Variants in ATF7 observed in about 807,000 individuals in gnomAD.
ATF7 encodes the protein cyclic AMP-dependent transcription factor ATF-7.
In ATF7, 10 loss-of-function variants were observed where a neutral mutation model predicts 50.4. That is an observed-to-expected ratio of 0.20 (90% CI 0.12 to 0.34). ATF7 has a LOEUF of 0.34. Ranked by LOEUF, ATF7 falls within the 10% of genes least tolerant of loss-of-function variation. The probability of loss-of-function intolerance (pLI) is 1.00; values close to 1 mark genes in which losing one functional copy is unlikely to be tolerated. For missense variants in ATF7, 465 were observed against 613.9 expected (o/e 0.76, Z 2.56); for synonymous variants, 201 against 226.4 (o/e 0.89, Z 1.01).
intron 2 of ATF7, among the ~76,000 whole-genome samples, chr12:53,584,881 G>A (rs963206196): frequency 1.3e-5 from 2 of 152,168 alleles, no homozygotes; most frequent in Non-Finnish European, 2.9e-5. Context: ...GCTTGCCAGC[G>A]GTCAGTGGGA....
chr12:53,543,296 C>T, intron 4 of ATF7, 34 bp downstream of exon 4: 1 of 1,557,338 alleles, frequency 6.4e-7, no homozygotes. Context: ...GGTCTGAATA[C>T]CACCAGTTTT....
At chr12:53,529,734 C>CACACACACACAT (rs1298379846) in intron 9 of ATF7, among the ~76,000 whole-genome samples, 2 of 143,530 alleles carry the variant, frequency 1.4e-5, no homozygotes, top group Admixed American at 1.4e-4. Context: ...CACACACACA[C>CACACACACACAT]ATATATATAT....
intron 3 of ATF7, 151 bp downstream of exon 3, chr12:53,552,390 C>A: frequency 1.7e-6 from 1 of 592,840 alleles, no homozygotes; most frequent in South Asian, 2.4e-5. Context: ...AACTTGGGAG[C>A]TTTTAGTGTT....
chr12:53,571,538 G>A (rs1012303554), intron 2 of ATF7, among the ~76,000 whole-genome samples: 6 of 151,514 alleles, frequency 4.0e-5, no homozygotes, highest in Non-Finnish European at 7.4e-5. Context: ...ACAGTGGTGT[G>A]CACCTGTAGT....
intron 1 of ATF7, among the ~76,000 whole-genome samples, chr12:53,618,020 G>C (rs886213817): frequency 6.6e-6 from 1 of 152,134 alleles, no homozygotes; most frequent in Non-Finnish European, 1.5e-5. Flanking sequence ...ATGTCGAAGA[G>C]AAAATGTCAT....
At chr12:53,574,417 C>T (rs1179448377) in intron 2 of ATF7, among the ~76,000 whole-genome samples, 1 of 152,176 alleles carries the variant, frequency 6.6e-6, no homozygotes, top group Non-Finnish European at 1.5e-5. Flanking sequence ...TTTCCACAGG[C>T]TTTCTTTCTC....
intron 1 of ATF7, among the ~76,000 whole-genome samples, chr12:53,612,585 A>G (rs2137892726): frequency 6.6e-6 from 1 of 152,216 alleles, no homozygotes; most frequent in South Asian, 2.1e-4. Context: ...GCATTTTTCA[A>G]GGTTGGTGCT....
intron 2 of ATF7, among the ~76,000 whole-genome samples, chr12:53,599,018 T>C (rs1943276376): frequency 6.6e-6 from 1 of 152,100 alleles, no homozygotes; most frequent in Non-Finnish European, 1.5e-5. Flanking sequence ...ATGTAAAAAT[T>C]TGGAGAGATC....
At chr12:53,617,029 AT>A (rs1944160788) in intron 1 of ATF7, among the ~76,000 whole-genome samples, 1 of 151,242 alleles carries the variant, frequency 6.6e-6, no homozygotes, top group South Asian at 2.1e-4. Flanking sequence ...CTTATGTATT[AT>A]TTCTTTCTTT....
At chr12:53,614,837 T>C (rs920673220) in intron 1 of ATF7, among the ~76,000 whole-genome samples, 2 of 152,190 alleles carry the variant, frequency 1.3e-5, no homozygotes, top group African/African-American at 4.8e-5. Flanking sequence ...TCCCAGCACT[T>C]TGGGAGGCCA....
At chr12:53,523,516 C>T in intron 10 of ATF7, 132 bp from the exon 11 acceptor site, 1 of 671,734 alleles carries the variant, frequency 1.5e-6, no homozygotes, top group Non-Finnish European at 2.6e-6. Flanking sequence ...GACTCCTGAT[C>T]CAGCAAGGCT....
chr12:53,598,498 A>G (rs1196669714), intron 2 of ATF7, among the ~76,000 whole-genome samples: 6 of 152,202 alleles, frequency 3.9e-5, no homozygotes, highest in Non-Finnish European at 8.8e-5. Context: ...CCAAAATACC[A>G]ACAAATAATT....
At chr12:53,578,095 G>T (rs1942199265) in intron 2 of ATF7, among the ~76,000 whole-genome samples, 1 of 152,154 alleles carries the variant, frequency 6.6e-6, no homozygotes, top group Non-Finnish European at 1.5e-5. Flanking sequence ...CAATTCTTCA[G>T]AAGAAAGGCC....
chr12:53,519,955 C>T (rs1235887922), intron 11 of ATF7, among the ~76,000 whole-genome samples: 1 of 152,166 alleles, frequency 6.6e-6, no homozygotes, highest in East Asian at 1.9e-4. Flanking sequence ...ACCGTGTTAG[C>T]CAGGATGGTC....
At chr12:53,564,160 A>T (rs2137579259) in intron 2 of ATF7, among the ~76,000 whole-genome samples, 1 of 152,318 alleles carries the variant, frequency 6.6e-6, no homozygotes, top group South Asian at 2.1e-4. Context: ...AGATCACTTG[A>T]GGCTAGGCGT....
At chr12:53,522,055 A>G (rs961365678) in intron 11 of ATF7, among the ~76,000 whole-genome samples, 6 of 152,256 alleles carry the variant, frequency 3.9e-5, no homozygotes, top group Non-Finnish European at 8.8e-5. Context: ...GACCATAGGC[A>G]AATTATTCAC....
At chr12:53,595,308 C>T (rs1176385345) in intron 2 of ATF7, among the ~76,000 whole-genome samples, 2 of 152,184 alleles carry the variant, frequency 1.3e-5, no homozygotes, top group African/African-American at 2.4e-5. Flanking sequence ...CCTCGTAATT[C>T]TCCAATTCAA....
chr12:53,576,430 T>C (rs1460234711), intron 2 of ATF7, among the ~76,000 whole-genome samples: 1 of 152,140 alleles, frequency 6.6e-6, no homozygotes, highest in East Asian at 1.9e-4. Context: ...TAAGAGAATG[T>C]TTAGGATGTG....
intron 1 of ATF7, among the ~76,000 whole-genome samples, chr12:53,625,790 C>T (rs1944581171): frequency 6.6e-6 from 1 of 152,140 alleles, no homozygotes; most frequent in African/African-American, 2.4e-5. Context: ...TAATCCCACT[C>T]TTTGGGAAGC....
Sources: allele counts gnomAD v4.1 joint callset (sites outside exome capture counted in the v4.1 genomes callset), GRCh38; gene constraint gnomAD v4.1.1; transcripts MANE v1.5; gene names NCBI Gene and HGNC (gene_info 2026-07-23, HGNC 2026-07-21).